Variants in TRDN observed in about 807,000 individuals in gnomAD.
TRDN encodes the protein triadin in skeletal muscle.
A neutral mutation model predicts 149.7 loss-of-function variants in TRDN; 161 were observed. That is an observed-to-expected ratio of 1.08 (90% confidence interval 0.95 to 1.23). The LOEUF (loss-of-function observed/expected upper bound fraction) is 1.23. Ranked by LOEUF, TRDN falls within the 50% of genes most tolerant of loss-of-function variation. TRDN has a pLI of 0.00. For synonymous variants in TRDN, 294 were observed against 250.5 expected (o/e 1.17, Z -1.64); for missense variants, 896 against 823.5 (o/e 1.09, Z -1.08).
intron 10 of TRDN, among the ~76,000 whole-genome samples, chr6:123,448,942 G>T (rs373050055): frequency 6.6e-6 from 1 of 152,070 alleles, no homozygotes; most frequent in Admixed American, 6.5e-5. Flanking sequence ...GGGTAGACGC[G>T]CTGGGTGGCT....
At chr6:123,334,593 C>A (rs192649227) in intron 22 of TRDN, among the ~76,000 whole-genome samples, 63 of 152,134 alleles carry the variant, frequency 4.1e-4, no homozygotes, top group African/African-American at 1.5e-3. Flanking sequence ...ACCTCAAAAG[C>A]AGGACTATGT....
At chr6:123,472,967 C>A (rs370418833) in intron 9 of TRDN, among the ~76,000 whole-genome samples, 3 of 152,096 alleles carry the variant, frequency 2.0e-5, no homozygotes, top group East Asian at 1.9e-4. Flanking sequence ...CAAAGACCAA[C>A]AGTAGATAAA....
chr6:123,453,455 A>G (rs1775911147), intron 10 of TRDN, among the ~76,000 whole-genome samples: 1 of 152,216 alleles, frequency 6.6e-6, no homozygotes, highest in Non-Finnish European at 1.5e-5. Flanking sequence ...AAGGACATGA[A>G]TAGACAATTC....
chr6:123,364,342 A>G (rs1370866747), intron 20 of TRDN, among the ~76,000 whole-genome samples: 1 of 152,174 alleles, frequency 6.6e-6, no homozygotes, highest in East Asian at 1.9e-4. Flanking sequence ...GGCTCTGTAT[A>G]TAAAATCTAA....
At chr6:123,259,735 C>G in intron 34 of TRDN, 73 bp from the exon 35 acceptor site, 1 of 1,093,680 alleles carries the variant, frequency 9.1e-7, no homozygotes. Flanking sequence ...TTGGAGTAAA[C>G]AGTTGGAGAT....
intron 9 of TRDN, among the ~76,000 whole-genome samples, chr6:123,481,811 C>T (rs1014599473): frequency 1.3e-5 from 2 of 152,146 alleles, no homozygotes; most frequent in African/African-American, 2.4e-5. Context: ...TTCCACTTAG[C>T]ACGCTAGGCC....
At position 123,372,064 on chromosome 6, in the gene TRDN, A is replaced by C. The variant is rs142068688; in HGVS notation, c.1273+3541T>G. ...TCAACCAAGATTATATTTGGCATGC[A>C]GTGTGTGGTCTAGAGACAACTCATT... On this transcript the variant is annotated intron_variant, in intron 19 of 40. Transcript: ENST00000334268. 6.1e-3 allele frequency among the ~76,000 whole-genome samples: 932 copies of C among 152,266 alleles called. 7 individuals carry two copies. Among genetic ancestry groups the C allele is most frequent in the African/African-American group, 0.022 (897 of 41,548 alleles).
At chr6:123,589,714 C>T (rs1783690199) in intron 1 of TRDN, among the ~76,000 whole-genome samples, 1 of 152,148 alleles carries the variant, frequency 6.6e-6, no homozygotes, top group East Asian at 1.9e-4. Flanking sequence ...AGTCCCCCTC[C>T]TTCAAAGGCA....
chr6:123,326,738 C>T (rs894437613), intron 23 of TRDN, among the ~76,000 whole-genome samples: 1 of 151,920 alleles, frequency 6.6e-6, no homozygotes, highest in Non-Finnish European at 1.5e-5. Flanking sequence ...AAATATCACC[C>T]ACATTTTTCA....
chr6:123,374,956 T>G (rs1781455251), intron 19 of TRDN, among the ~76,000 whole-genome samples: 1 of 152,134 alleles, frequency 6.6e-6, no homozygotes, highest in Admixed American at 6.6e-5. Context: ...TATACAAAGC[T>G]TATGTATTTC....
Position 123,311,419 on chromosome 6 carries a change from A to G in TRDN, c.1510+5038T>C, listed in dbSNP as rs1255165167. On this transcript the variant is annotated intron_variant, in intron 24 of 40. Coordinates refer to ENST00000334268, the MANE Select transcript of TRDN (RefSeq NM_006073.4). ...GATACAGAGCCAAGCCATTTCAGAA[A>G]CATTTTTATGGAGTGGCTCCATCAA... is the stretch of plus-strand genomic sequence containing the variant. Among the ~76,000 whole-genome samples the G allele has an allele frequency of 2.0e-5, 3 of 152,094 alleles. No homozygotes were observed. In the East Asian group the frequency reaches 5.8e-4, roughly 29 times the overall value.
At chr6:123,547,304 G>T in intron 4 of TRDN, 36 bp downstream of exon 4, 1 of 1,321,864 alleles carries the variant, frequency 7.6e-7, no homozygotes, top group Non-Finnish European at 1.0e-6. Context: ...TACCATAAGA[G>T]AAAAATAATT....
chr6:123,285,209 AC>A (rs1777757114), intron 24 of TRDN, among the ~76,000 whole-genome samples: 1 of 152,098 alleles, frequency 6.6e-6, no homozygotes, highest in Non-Finnish European at 1.5e-5. Context: ...TTCATATGGA[AC>A]CAGAAAAGAG....
chr6:123,614,295 A>C (rs1198441118), intron 1 of TRDN, among the ~76,000 whole-genome samples: 9 of 135,152 alleles, frequency 6.7e-5, no homozygotes, highest in African/African-American at 3.2e-4. Context: ...CATTAAAAAA[A>C]AAAACAAAAA....
intron 1 of TRDN, among the ~76,000 whole-genome samples, chr6:123,571,421 C>A (rs2114539586): frequency 6.6e-6 from 1 of 151,938 alleles, no homozygotes; most frequent in East Asian, 1.9e-4. Context: ...GATAAAACTT[C>A]TTCTGAATAT....
intron 5 of TRDN, chr6:123,528,744 C>T (rs1266567649): frequency 1.0e-5 from 10 of 990,032 alleles, no homozygotes; most frequent in Middle Eastern, 5.1e-4. Flanking sequence ...ATTAGTCTAC[C>T]CCATTTACAG....
At chr6:123,256,864 T>G (rs1776581941) in intron 35 of TRDN, among the ~76,000 whole-genome samples, 1 of 152,128 alleles carries the variant, frequency 6.6e-6, no homozygotes, top group African/African-American at 2.4e-5. Context: ...TGCAAATGCT[T>G]TAGCTGTTTT....
intron 12 of TRDN, among the ~76,000 whole-genome samples, chr6:123,420,892 G>T (rs538945488): frequency 9.9e-5 from 15 of 152,206 alleles, no homozygotes; most frequent in Admixed American, 5.2e-4. Context: ...ATGGTTTTTG[G>T]GTTCCCCAAA....
At chr6:123,601,246 AC>A (rs1439983071) in intron 1 of TRDN, among the ~76,000 whole-genome samples, 1 of 152,164 alleles carries the variant, frequency 6.6e-6, no homozygotes, top group African/African-American at 2.4e-5. Flanking sequence ...TAAGTAGGTA[AC>A]AAAATGTCCT....
Sources: allele counts gnomAD v4.1 joint callset (sites outside exome capture counted in the v4.1 genomes callset), GRCh38; gene constraint gnomAD v4.1.1; transcripts MANE v1.5; gene names NCBI Gene and HGNC (gene_info 2026-07-23, HGNC 2026-07-21).